TMPRSS4: variants seen among roughly 807,000 people sequenced by gnomAD.
TMPRSS4 encodes transmembrane serine protease 4.
In TMPRSS4, 45 loss-of-function variants were observed where a neutral mutation model predicts 56.4. The observed-to-expected ratio is 0.80, with a 90% CI of 0.63 to 1.02. The LOEUF (loss-of-function observed/expected upper bound fraction) is 1.02, where lower values mean the gene tolerates loss of function less well. TMPRSS4 is among the 50% of genes least tolerant of loss of function. The pLI, the probability that TMPRSS4 is intolerant of heterozygous loss-of-function variation, is 0.00. For synonymous variants in TMPRSS4, 205 were observed against 211.0 expected (o/e 0.97, Z 0.25); for missense variants, 546 against 556.7 (o/e 0.98, Z 0.19).
intron 3 of TMPRSS4, among the ~76,000 whole-genome samples, chr11:118,100,220 G>A (rs528395980): frequency 3.3e-5 from 5 of 152,276 alleles, no homozygotes; most frequent in East Asian, 1.9e-4. Context: ...ACATGTAAAG[G>A]ACCAAGCTAA....
At chr11:118,112,379 C>CTTTTTTTTTTTTTTTT (rs71469160) in intron 8 of TMPRSS4, among the ~76,000 whole-genome samples, 1 of 45,674 alleles carries the variant, frequency 2.2e-5, no homozygotes, top group African/African-American at 9.0e-5. Context: ...ACCCCCTTCA[C>CTTTTTTTTTTTTTTTT]TTTTTTTTTT....
chr11:118,108,782 T>C (rs1947128402), intron 6 of TMPRSS4, 74 bp from the exon 7 acceptor site: 1 of 1,523,780 alleles, frequency 6.6e-7, no homozygotes. Flanking sequence ...AATTAACAGC[T>C]TCGGGAGGCC....
chr11:118,113,004 C>T (rs1450486958), intron 8 of TMPRSS4, among the ~76,000 whole-genome samples: 1 of 152,044 alleles, frequency 6.6e-6, no homozygotes, highest in Non-Finnish European at 1.5e-5. Flanking sequence ...AGAACTCAGG[C>T]ATTAGAGGAG....
rs1185558292 is a variant in TMPRSS4, at chr11:118,094,821, G to A, written c.9G>A (p.Gln3=). The A allele has an allele frequency of 3.7e-6, 6 of 1,611,938 alleles. No individual in the cohort carries two copies. The highest frequency in any genetic ancestry group is 4.2e-6 in the Non-Finnish European group (5 of 1,179,208). ...ACTGACTGTTTTTCCTTCAATTACAGGATCCTGACAGTGATCAACCTCTGA... is the reference window on the plus strand; with the variant it reads ...ACTGACTGTTTTTCCTTCAATTACAAGATCCTGACAGTGATCAACCTCTGA... ML[Q]DPDSDQPLNS... Residue 3 remains glutamine, a synonymous_variant, in exon 2 of 13, where the codon CAG becomes CAA. Coordinates refer to ENST00000437212, the MANE Select transcript of TMPRSS4 (RefSeq NM_019894.4).
At chr11:118,105,880 G>A (rs1946965658) in intron 5 of TMPRSS4, 1 of 152,186 alleles carries the variant, frequency 6.6e-6, no homozygotes, top group Admixed American at 6.5e-5. Flanking sequence ...TTCAGTAAAT[G>A]CTCCAGGCAG....
chr11:118,107,895 CT>C lies in TMPRSS4; in HGVS notation c.542+21del. On this transcript the variant is annotated intron_variant, in intron 6 of 12. Transcript: ENST00000437212. ...AAGTGGGTAAGTGAGGGGACACCTT[CT>C]GGCCTACAGAAGGCCCCCACATGGA... is the stretch of plus-strand genomic sequence containing the variant. 2 of 1,609,436 alleles carry C rather than the reference CT, an allele frequency of 1.2e-6. No individual in the cohort carries two copies. Among genetic ancestry groups the C allele is most frequent in the Non-Finnish European group, 1.7e-6 (2 of 1,176,848 alleles).
chr11:118,082,998 G>A (rs1411210001), intron 1 of TMPRSS4, among the ~76,000 whole-genome samples: 1 of 152,138 alleles, frequency 6.6e-6, no homozygotes, highest in Non-Finnish European at 1.5e-5. Context: ...AAACAGAGCT[G>A]CAGTGTTTGA....
Position 118,121,470 on chromosome 11 carries a change from T to C in TMPRSS4, c.*3557T>C, listed in dbSNP as rs978120377. The C allele has an allele frequency of 6.6e-6, 1 of 152,176 alleles. No homozygotes were observed. The highest frequency in any genetic ancestry group is 1.5e-5 in the Non-Finnish European group (1 of 68,070). 9.4% of individuals were successfully genotyped at this position (152,176 alleles called of 1,614,324 possible). On this transcript the variant is annotated 3_prime_UTR_variant, in exon 13 of 13. Coordinates refer to ENST00000437212, the MANE Select transcript of TMPRSS4 (RefSeq NM_019894.4). ...ACCTCCCAGGTTCAAGTGATTCTTCTGCCTCAGCCTCCCGAGTAGCTGGGA... is the reference window on the plus strand; with the variant it reads ...ACCTCCCAGGTTCAAGTGATTCTTCCGCCTCAGCCTCCCGAGTAGCTGGGA...
intron 7 of TMPRSS4, among the ~76,000 whole-genome samples, chr11:118,111,151 G>T (rs1438389424): frequency 6.6e-6 from 1 of 152,238 alleles, no homozygotes; most frequent in Non-Finnish European, 1.5e-5. Flanking sequence ...GCTGCCAGAA[G>T]AATTGGAAAG....
intron 1 of TMPRSS4, among the ~76,000 whole-genome samples, chr11:118,093,823 C>CCG (rs901171974): frequency 1.3e-5 from 2 of 151,386 alleles, no homozygotes; most frequent in East Asian, 2.0e-4. Context: ...TAACTGCCCC[C>CCG]CCCAATGGTA....
chr11:118,115,531 T>C (rs1947502363), intron 11 of TMPRSS4: 1 of 467,834 alleles, frequency 2.1e-6, no homozygotes, highest in Non-Finnish European at 3.9e-6. Context: ...TCGAAGATGA[T>C]GTTACTGGCC....
chr11:118,103,667 C>A (rs1946846348), intron 4 of TMPRSS4, among the ~76,000 whole-genome samples: 1 of 152,240 alleles, frequency 6.6e-6, no homozygotes, highest in South Asian at 2.1e-4. Flanking sequence ...CAGGCGTGAG[C>A]CACCGTGCCC....
chr11:118,108,672 C>T (rs891653919), intron 6 of TMPRSS4, 184 bp from the exon 7 acceptor site: 6 of 617,682 alleles, frequency 9.7e-6, no homozygotes, highest in Admixed American at 2.8e-5. Flanking sequence ...TCCAATCAAA[C>T]GGAAGTGTCA....
At chr11:118,098,870 C>T (rs1386589484) in intron 2 of TMPRSS4, 115 bp from the exon 3 acceptor site, 1 of 743,468 alleles carries the variant, frequency 1.3e-6, no homozygotes, top group African/African-American at 1.7e-5. Context: ...TTAACCAAAA[C>T]TGTGCTCAAG....
chr11:118,103,343 A>G lies in TMPRSS4; in HGVS notation c.310+90A>G, dbSNP rs1316176890. ...GCCCACTGCATAGTATCTGCCCCCTACTTGTCACTTTTCATCCTTGTTGTA... is the reference window on the plus strand; with the variant it reads ...GCCCACTGCATAGTATCTGCCCCCTGCTTGTCACTTTTCATCCTTGTTGTA... On this transcript the variant is annotated intron_variant, in intron 4 of 12. Coordinates refer to ENST00000437212, the MANE Select transcript of TMPRSS4 (RefSeq NM_019894.4). The G allele has an allele frequency of 2.7e-6, 4 of 1,462,192 alleles. No homozygotes were observed. The African/African-American group carries it at 4.3e-5, about 16-fold the overall frequency. 90.6% of individuals were successfully genotyped at this position (1,462,192 alleles called of 1,614,324 possible).
chr11:118,097,560 G>C (rs1043155565), intron 2 of TMPRSS4, among the ~76,000 whole-genome samples: 3 of 152,126 alleles, frequency 2.0e-5, no homozygotes, highest in Admixed American at 2.0e-4. Flanking sequence ...CACAAGGAGT[G>C]GGGGACTTAA....
At chr11:118,087,170 G>A (rs1591352325) in intron 1 of TMPRSS4, among the ~76,000 whole-genome samples, 1 of 152,212 alleles carries the variant, frequency 6.6e-6, no homozygotes, top group African/African-American at 2.4e-5. Context: ...AGGGAAGACT[G>A]AAGCTGTCAC....
intron 10 of TMPRSS4, 91 bp downstream of exon 10, chr11:118,115,018 G>C: frequency 6.5e-7 from 1 of 1,549,526 alleles, no homozygotes; most frequent in South Asian, 1.2e-5. Flanking sequence ...CCACCCTTCA[G>C]AGAAACCCAT....
rs1176094844 is a variant in TMPRSS4, at chr11:118,099,006, C to T, written c.65C>T (p.Pro22Leu). ...NSLDVKPLRK[P>L]RIPMETFRKV... ...GCAGATGTCAAACCCCTGCGCAAACCCCGTATCCCCATGGAGACCTTCAGA... is the reference window on the plus strand; with the variant it reads ...GCAGATGTCAAACCCCTGCGCAAACTCCGTATCCCCATGGAGACCTTCAGA... The change falls in exon 3 of 13, where the codon CCC becomes CTC. Residue 22 changes from proline to leucine, a missense_variant. By Grantham distance (98) the Pro-to-Leu change is moderately conservative. Coordinates refer to ENST00000437212, the MANE Select transcript of TMPRSS4 (RefSeq NM_019894.4). The T allele has an allele frequency of 6.2e-7, 1 of 1,613,746 alleles. No individual in the cohort carries two copies. Among genetic ancestry groups the T allele is most frequent in the African/African-American group, 1.3e-5 (1 of 74,842 alleles).
Sources: allele counts gnomAD v4.1 joint callset (sites outside exome capture counted in the v4.1 genomes callset), GRCh38; gene constraint gnomAD v4.1.1; transcripts MANE v1.5; gene names NCBI Gene and HGNC (gene_info 2026-07-23, HGNC 2026-07-21).